Variants in GRM5 observed in about 807,000 individuals in gnomAD.
GRM5 encodes glutamate metabotropic receptor 5.
In GRM5, 19 loss-of-function variants were observed where a neutral mutation model predicts 83.1. That is an observed-to-expected ratio of 0.23 (90% CI 0.16 to 0.34). The LOEUF (loss-of-function observed/expected upper bound fraction) is 0.34, where lower values mean the gene tolerates loss of function less well. Ranked by LOEUF, GRM5 falls within the 10% of genes least tolerant of loss-of-function variation. The pLI is 1.00. For missense variants in GRM5, 1,160 were observed against 1,588.3 expected, an observed-to-expected ratio of 0.73 and a Z score of 4.58; for synonymous variants, 675 against 633.6, an observed-to-expected ratio of 1.07 and a Z score of -0.98.
intron 2 of GRM5, among the ~76,000 whole-genome samples, chr11:89,009,929 A>AAC (rs1555059720): frequency 0.12 from 12,455 of 101,244 alleles, 1,491 homozygotes; most frequent in South Asian, 0.26. Flanking sequence ...AAAAAAAAAA[A>AAC]ACACACACAA....
intron 3 of GRM5, among the ~76,000 whole-genome samples, chr11:88,715,386 A>G (rs569553003): frequency 6.6e-6 from 1 of 151,732 alleles, no homozygotes; most frequent in East Asian, 2.0e-4. Context: ...AAGACATATG[A>G]TTCTTCAACT....
chr11:88,567,801 C>T lies in GRM5; in HGVS notation c.1882G>A (p.Gly628Ser), dbSNP rs771258481. 2 of 1,613,964 alleles carry T rather than the reference C, an allele frequency of 1.2e-6. No individual in the cohort carries two copies. The highest frequency in any genetic ancestry group is 3.3e-5 in the Admixed American group (2 of 60,000). Reference protein sequence around the residue: ...CYIILAGICLGYLCTFCLIAK... With the variant: ...CYIILAGICLSYLCTFCLIAK... Reference sequence around the variant, plus strand: ...ATGAGGCAGAAGGTACATAAGTAGCCCAGGCAGATGCCAGCAAGGATAATG... The same window carrying T: ...ATGAGGCAGAAGGTACATAAGTAGCTCAGGCAGATGCCAGCAAGGATAATG... Residue 628 changes from glycine to serine, a missense_variant, in exon 8 of 10, where the codon GGC (glycine) becomes AGC (serine). By Grantham distance (56) the Gly-to-Ser change is moderately conservative. Around this residue, in one of 9 missense-constraint regions of GRM5, gnomAD observed 132 missense variants for 245.5 expected, o/e 0.54. Transcript: ENST00000305447. The surrounding 1 kb of genome is among the most constrained non-coding windows in gnomAD (Gnocchi z 7.3).
chr11:89,008,843 G>T (rs1940603263), intron 2 of GRM5, among the ~76,000 whole-genome samples: 1 of 152,130 alleles, frequency 6.6e-6, no homozygotes, highest in African/African-American at 2.4e-5. Context: ...TTAGAAGATA[G>T]AAGGAACAAT....
intron 3 of GRM5, among the ~76,000 whole-genome samples, chr11:88,675,943 G>T (rs1027416011): frequency 1.3e-5 from 2 of 152,102 alleles, no homozygotes; most frequent in Admixed American, 6.6e-5. Flanking sequence ...ATTCTCACAC[G>T]TAAGAGAATC....
chr11:88,516,349 A>G (rs1383562820), intron 9 of GRM5, among the ~76,000 whole-genome samples: 1 of 152,178 alleles, frequency 6.6e-6, no homozygotes, highest in Non-Finnish European at 1.5e-5. Flanking sequence ...GAGTGCCAAG[A>G]TACACACAGG....
At chr11:88,727,146 T>C (rs577624991) in intron 3 of GRM5, among the ~76,000 whole-genome samples, 1 of 152,090 alleles carries the variant, frequency 6.6e-6, no homozygotes, top group Non-Finnish European at 1.5e-5. Context: ...AGGAGACCCA[T>C]CTCATGTGCA....
chr11:88,995,337 G>A (rs1940146917), intron 2 of GRM5, among the ~76,000 whole-genome samples: 1 of 151,850 alleles, frequency 6.6e-6, no homozygotes, highest in Non-Finnish European at 1.5e-5. Context: ...ACAAGGTCAG[G>A]AGATCAAGAC....
chr11:88,950,708 C>T (rs1350906201), intron 2 of GRM5, among the ~76,000 whole-genome samples: 4 of 152,172 alleles, frequency 2.6e-5, no homozygotes, highest in African/African-American at 9.7e-5. Flanking sequence ...ATTATCCTCT[C>T]CTTATTGCAA....
chr11:88,565,005 T>C (rs1942844074), intron 8 of GRM5, among the ~76,000 whole-genome samples: 1 of 152,126 alleles, frequency 6.6e-6, no homozygotes, highest in South Asian at 2.1e-4. Flanking sequence ...ATGGTTAACT[T>C]AGTTAATCAA....
At chr11:88,706,641 C>T (rs1052688624) in intron 3 of GRM5, among the ~76,000 whole-genome samples, 1 of 152,018 alleles carries the variant, frequency 6.6e-6, no homozygotes, top group Non-Finnish European at 1.5e-5. Context: ...TTTAAAACTG[C>T]TTTCTAAGGT....
At chr11:88,616,484 A>G (rs1240111020) in intron 4 of GRM5, among the ~76,000 whole-genome samples, 1 of 150,176 alleles carries the variant, frequency 6.7e-6, no homozygotes, top group African/African-American at 2.4e-5. Flanking sequence ...ATAGAACAAC[A>G]GTGGAAAAAG....
chr11:88,894,156 C>T (rs996343515), intron 2 of GRM5, among the ~76,000 whole-genome samples: 22 of 151,920 alleles, frequency 1.4e-4, no homozygotes, highest in African/African-American at 4.3e-4. Context: ...AACTGGACAG[C>T]CCATTTGCAT....
intron 3 of GRM5, among the ~76,000 whole-genome samples, chr11:88,705,982 T>G (rs1243017404): frequency 6.6e-6 from 1 of 152,036 alleles, no homozygotes; most frequent in Non-Finnish European, 1.5e-5. Flanking sequence ...CCCTAAGTGT[T>G]AGATTATCAC....
rs1944272315 is a variant in GRM5, at chr11:88,844,979, C to A, written c.911+4927G>T. 2.0e-5 allele frequency among the ~76,000 whole-genome samples: 3 copies of A among 152,172 alleles called. No homozygotes were observed. The South Asian group carries it at 6.2e-4, about 32-fold the overall frequency. On this transcript the variant is annotated intron_variant, in intron 3 of 9. Coordinates refer to ENST00000305447, the MANE Select transcript of GRM5 (RefSeq NM_001143831.3). ...TATACTCTGGTGAAGTTGCTATAAG[C>A]ATTGTTGAAATGACAACAAAGAATT...
At position 88,773,151 on chromosome 11, in the gene GRM5, A is replaced by G. The variant is rs1324143291; in HGVS notation, c.911+76755T>C. On this transcript the variant is annotated intron_variant, in intron 3 of 9. Coordinates refer to ENST00000305447, the MANE Select transcript of GRM5 (RefSeq NM_001143831.3). ...TTTAATGATTGCCATTCTAACTGGCATGAGATGGTATCTCATTGTGGTTTT... is the reference window on the plus strand; with the variant it reads ...TTTAATGATTGCCATTCTAACTGGCGTGAGATGGTATCTCATTGTGGTTTT... 3.9e-5 allele frequency among the ~76,000 whole-genome samples: 6 copies of G among 152,196 alleles called. No homozygotes were observed. The East Asian group carries it at 7.8e-4, about 20-fold the overall frequency.
Position 88,976,030 on chromosome 11 carries a change from A to G in GRM5, c.661+71182T>C, listed in dbSNP as rs376752864. Among the ~76,000 whole-genome samples the G allele has an allele frequency of 1.7e-4, 26 of 152,340 alleles. No homozygotes were observed. The South Asian group carries it at 5.2e-3, about 30-fold the overall frequency. ...CATGAATATTCAGGTTGCAGCTAGCACATGGCTGCTTGTGAAATTGCTTAT... is the reference window on the plus strand; with the variant it reads ...CATGAATATTCAGGTTGCAGCTAGCGCATGGCTGCTTGTGAAATTGCTTAT... On this transcript the variant is annotated intron_variant, in intron 2 of 9. Transcript: ENST00000305447.
chr11:88,684,451 G>A (rs191801715), intron 3 of GRM5, among the ~76,000 whole-genome samples: 255 of 152,278 alleles, frequency 1.7e-3, no homozygotes, highest in Middle Eastern at 6.8e-3. Flanking sequence ...AAATGTTAGC[G>A]ATATATTTTG....
intron 3 of GRM5, among the ~76,000 whole-genome samples, chr11:88,845,752 G>A (rs1346050555): frequency 6.6e-6 from 1 of 150,410 alleles, no homozygotes; most frequent in African/African-American, 2.5e-5. Context: ...ATATGAATTG[G>A]GAAAACAAAA....
intron 3 of GRM5, among the ~76,000 whole-genome samples, chr11:88,753,948 C>T (rs1942339965): frequency 6.6e-6 from 1 of 152,074 alleles, no homozygotes; most frequent in Non-Finnish European, 1.5e-5. Flanking sequence ...TATGCACTAT[C>T]ACAAAAACAG....
Sources: allele counts gnomAD v4.1 joint callset (sites outside exome capture counted in the v4.1 genomes callset), GRCh38; gene constraint gnomAD v4.1.1; regional missense constraint gnomAD v4.1.1; non-coding constraint Gnocchi (gnomAD v3.1); transcripts MANE v1.5; gene names NCBI Gene and HGNC (gene_info 2026-07-23, HGNC 2026-07-21).